The following NRXN3 variants were observed in gnomAD, a reference collection of about 807,000 sequenced individuals.
NRXN3 encodes neurexin III.
In NRXN3, 32 loss-of-function variants were observed where a neutral mutation model predicts 137.6. The observed-to-expected ratio is 0.23, with a 90% confidence interval of 0.18 to 0.31. The LOEUF (loss-of-function observed/expected upper bound fraction) is 0.31, where lower values mean the gene tolerates loss of function less well. NRXN3 is among the 10% of genes least tolerant of loss of function. The pLI is 1.00. For synonymous variants in NRXN3, 798 were observed against 784.5 expected, an observed-to-expected ratio of 1.02 and a Z score of -0.29; for missense variants, 1,574 against 2,062.5, an observed-to-expected ratio of 0.76 and a Z score of 4.59.
At chr14:79,174,513 A>ATATATATATATC (rs2062106702) in intron 15 of NRXN3, among the ~76,000 whole-genome samples, 1 of 148,762 alleles carries the variant, frequency 6.7e-6, no homozygotes, top group Non-Finnish European at 1.5e-5. Flanking sequence ...ATATATATAT[A>ATATATATATATC]TATATACACA....
intron 4 of NRXN3, among the ~76,000 whole-genome samples, chr14:78,477,664 T>TA (rs1441113359): frequency 6.6e-6 from 1 of 152,232 alleles, no homozygotes; most frequent in African/African-American, 2.4e-5. Context: ...TTTCAATTAT[T>TA]AAAATTGAAT....
chr14:79,588,347 T>G (rs2153818261), intron 16 of NRXN3, among the ~76,000 whole-genome samples: 1 of 152,338 alleles, frequency 6.6e-6, no homozygotes, highest in East Asian at 1.9e-4. Context: ...TATGCATAAC[T>G]GGTCCCAACT....
chr14:78,882,043 G>C, intron 10 of NRXN3, among the ~76,000 whole-genome samples: 1 of 151,880 alleles, frequency 6.6e-6, no homozygotes, highest in Non-Finnish European at 1.5e-5. Context: ...TGTTTCAAAA[G>C]GTGTAAGCCC....
intron 8 of NRXN3, among the ~76,000 whole-genome samples, chr14:78,741,365 A>G (rs1347125918): frequency 1.3e-5 from 2 of 152,198 alleles, no homozygotes; most frequent in Admixed American, 6.5e-5. Context: ...TCAACACTTC[A>G]TTTGATTTGG....
At chr14:78,486,271 G>A (rs1047631039) in intron 4 of NRXN3, among the ~76,000 whole-genome samples, 1 of 152,196 alleles carries the variant, frequency 6.6e-6, no homozygotes, top group Non-Finnish European at 1.5e-5. Context: ...CCAAGTCCAA[G>A]TTGGGAGGTA....
chr14:78,666,086 A>G (rs1378881543), intron 6 of NRXN3, among the ~76,000 whole-genome samples: 3 of 152,132 alleles, frequency 2.0e-5, no homozygotes, highest in East Asian at 3.9e-4. Flanking sequence ...ATATATCTAT[A>G]TATTTTTTCT....
chr14:78,716,956 G>T (rs1007980866), intron 8 of NRXN3, among the ~76,000 whole-genome samples: 1 of 152,208 alleles, frequency 6.6e-6, no homozygotes, highest in African/African-American at 2.4e-5. Context: ...TCTGTCAGGT[G>T]CCTGGGCTCT....
At chr14:79,860,929 A>T in intron 20 of NRXN3, 3 of 696,534 alleles carry the variant, frequency 4.3e-6, no homozygotes, top group Non-Finnish European at 6.4e-6. Flanking sequence ...TCCAGAAAAG[A>T]TCCAGATCTT....
chr14:78,335,126 A>G lies in NRXN3; in HGVS notation c.757+37266A>G, dbSNP rs189262023. On this transcript the variant is annotated intron_variant, in intron 4 of 20. Transcript: ENST00000335750. ...ATGAATTCCTGATTTGAGATGTTCA[A>G]CTTCTTTCCCTCTAAATCCCTTTTG... Among the ~76,000 whole-genome samples the G allele has an allele frequency of 7.2e-5, 11 of 152,292 alleles. No individual in the cohort carries two copies. In the East Asian group the frequency reaches 2.1e-3, roughly 29 times the overall value.
At chr14:79,843,270 C>T (rs537823458) in intron 20 of NRXN3, among the ~76,000 whole-genome samples, 1 of 152,178 alleles carries the variant, frequency 6.6e-6, no homozygotes, top group South Asian at 2.1e-4. Flanking sequence ...TTATACCATA[C>T]TGTGCTTTGT....
intron 15 of NRXN3, among the ~76,000 whole-genome samples, chr14:79,358,570 AAAAAGAAAG>A (rs1305979172): frequency 6.8e-6 from 1 of 147,330 alleles, no homozygotes; most frequent in African/African-American, 2.5e-5. Context: ...AAAAAAAAAA[AAAAAGAAAG>A]AAAGAGAGAA....
intron 4 of NRXN3, among the ~76,000 whole-genome samples, chr14:78,507,120 G>T (rs529650635): frequency 1.1e-4 from 16 of 152,228 alleles, no homozygotes; most frequent in South Asian, 4.1e-4. Flanking sequence ...TGTGGGTGAC[G>T]CTATGTCACT....
At chr14:79,482,820 G>A (rs1052996140) in intron 16 of NRXN3, among the ~76,000 whole-genome samples, 2 of 152,124 alleles carry the variant, frequency 1.3e-5, no homozygotes, top group Non-Finnish European at 2.9e-5. Context: ...CTGGATGACT[G>A]CCTATTGCCC....
Position 79,655,995 on chromosome 14 carries a change from A to G in NRXN3, c.3445-7783A>G, listed in dbSNP as rs148810902. The stretch of plus-strand genomic sequence containing the variant: ...ACTAGCACTAGACCCAACAATTTAC[A>G]TGTCTAATGAGTCCGCTGGTGATAC... On this transcript the variant is annotated intron_variant, in intron 16 of 20. Transcript: ENST00000335750. Among the ~76,000 whole-genome samples, 246 of 152,312 alleles carry G rather than the reference A, an allele frequency of 1.6e-3. 1 individual carries two copies. The highest frequency in any genetic ancestry group is 5.3e-3 in the African/African-American group (222 of 41,570).
At chr14:78,175,708 C>T (rs2059197266) in intron 1 of NRXN3, among the ~76,000 whole-genome samples, 1 of 152,066 alleles carries the variant, frequency 6.6e-6, no homozygotes. Context: ...ATGCTGAGCT[C>T]GGGGCAGGGA....
chr14:78,336,093 C>G (rs955977573), intron 4 of NRXN3, among the ~76,000 whole-genome samples: 1 of 152,262 alleles, frequency 6.6e-6, no homozygotes, highest in East Asian at 1.9e-4. Context: ...CTCCCCACCC[C>G]CATAGAGTAT....
intron 15 of NRXN3, among the ~76,000 whole-genome samples, chr14:79,062,880 G>T (rs1383590859): frequency 6.6e-6 from 1 of 152,050 alleles, no homozygotes; most frequent in Non-Finnish European, 1.5e-5. Flanking sequence ...ATTCTTGCAG[G>T]GAAAATTGGT....
intron 15 of NRXN3, among the ~76,000 whole-genome samples, chr14:79,380,895 G>A (rs12882679): frequency 0.27 from 41,471 of 151,990 alleles, 6,281 homozygotes; most frequent in Admixed American, 0.38. Context: ...CTGTGACTGT[G>A]TGCAGGTCAT....
At chr14:79,360,074 T>C (rs376719173) in intron 15 of NRXN3, among the ~76,000 whole-genome samples, 2 of 152,288 alleles carry the variant, frequency 1.3e-5, no homozygotes, top group South Asian at 4.1e-4. Context: ...TGAAAAGAAT[T>C]ATGCTGCAAA....
Sources: allele counts gnomAD v4.1 joint callset (sites outside exome capture counted in the v4.1 genomes callset), GRCh38; gene constraint gnomAD v4.1.1; transcripts MANE v1.5; gene names NCBI Gene and HGNC (gene_info 2026-07-23, HGNC 2026-07-21).